USO1: variants seen among roughly 807,000 people sequenced by gnomAD.
The protein encoded by USO1 is USO1 vesicle transport factor.
In USO1, 57 loss-of-function variants were observed where a neutral mutation model predicts 124.5. The ratio of observed to expected loss-of-function variants is 0.46; its 90% CI spans 0.37 to 0.57. USO1 has a LOEUF of 0.57. Among genes scored for constraint, USO1 ranks in the 20% least tolerant of loss-of-function variants. The probability of loss-of-function intolerance (pLI) is 0.00; values close to 1 mark genes in which losing one functional copy is unlikely to be tolerated. For missense variants in USO1, 900 were observed against 1,040.6 expected (o/e 0.86, Z 1.86); for synonymous variants, 369 against 362.8 (o/e 1.02, Z -0.19).
intron 13 of USO1, among the ~76,000 whole-genome samples, chr4:75,796,341 C>CTTTGTTTTTTTTTTTTTTTTTTTTT (rs1722678843): frequency 9.8e-6 from 1 of 102,064 alleles, no homozygotes; most frequent in Non-Finnish European, 2.1e-5. Flanking sequence ...CCATCATGCT[C>CTTTGTTTTTTTTTTTTTTTTTTTTT]TTTTTTTTTT....
intron 8 of USO1, among the ~76,000 whole-genome samples, chr4:75,780,640 C>CA (rs1321685109): frequency 3.4e-5 from 2 of 59,156 alleles, no homozygotes; most frequent in African/African-American, 1.4e-4. Context: ...TAAATTTTGA[C>CA]TTTTTTTTTT....
intron 17 of USO1, among the ~76,000 whole-genome samples, chr4:75,802,773 G>A (rs1358723041): frequency 2.4e-5 from 2 of 84,584 alleles, no homozygotes; most frequent in African/African-American, 1.0e-4. Flanking sequence ...AGACAGTTTC[G>A]CTCTTGTTGC....
intron 1 of USO1, among the ~76,000 whole-genome samples, chr4:75,741,214 A>G (rs963207870): frequency 2.6e-5 from 4 of 152,180 alleles, no homozygotes; most frequent in African/African-American, 7.2e-5. Context: ...TTGTGTATCT[A>G]TGCATCTACA....
intron 13 of USO1, 27 bp from the exon 14 acceptor site, chr4:75,799,595 A>C (rs1446080286): frequency 6.2e-7 from 1 of 1,607,558 alleles, no homozygotes; most frequent in Non-Finnish European, 8.5e-7. Context: ...ATGAATGGAA[A>C]GATTTCTACC....
rs1175966062 is a variant in USO1 at position 75,726,593 on chromosome 4, G to T, written c.66+1708G>T. Reference sequence around the variant, plus strand: ...AAAAAAAAAAAAAATAACTGCGCAGGTCTGGTTAGAATTGTTTAAAGCATA... The same window carrying T: ...AAAAAAAAAAAAAATAACTGCGCAGTTCTGGTTAGAATTGTTTAAAGCATA... On this transcript the variant is annotated intron_variant, in intron 1 of 23. Transcript: ENST00000514213. 2.6e-5 allele frequency among the ~76,000 whole-genome samples: 4 copies of T among 151,970 alleles called. No homozygotes were observed. The East Asian group carries it at 7.7e-4, about 29-fold the overall frequency.
chr4:75,730,047 G>A (rs1446263197), intron 1 of USO1: 7 of 273,798 alleles, frequency 2.6e-5, no homozygotes, highest in Non-Finnish European at 4.5e-5. Context: ...TAACTGGAAT[G>A]TGTTTTCTCT....
intron 1 of USO1, among the ~76,000 whole-genome samples, chr4:75,742,395 GTTGAC>G (rs1720989793): frequency 6.6e-6 from 1 of 152,144 alleles, no homozygotes; most frequent in Non-Finnish European, 1.5e-5. Flanking sequence ...GTGGTCCATT[GTTGAC>G]TTGAATGTCG....
intron 3 of USO1, chr4:75,755,322 G>T: frequency 2.4e-6 from 1 of 413,568 alleles, no homozygotes; most frequent in South Asian, 1.8e-5. Context: ...TAAAACAATC[G>T]TCATCTCCAA....
chr4:75,810,467 T>A lies in USO1; in HGVS notation c.2511T>A (p.Thr837=). The part of the protein sequence containing the change: ...KSVEVQGETE[T]IIATKTTDVE... ...TTGAGGTACAAGGAGAGACCGAGAC[T>A]ATAATAGCCACCAAAACTACTGATG... The change falls in exon 22 of 24, where the codon ACT becomes ACA. Residue 837 remains threonine (T), a synonymous_variant. Transcript: ENST00000514213. 1 of 1,613,098 alleles carries A rather than the reference T, an allele frequency of 6.2e-7. No homozygotes were observed. Among genetic ancestry groups the A allele is most frequent in the Non-Finnish European group, 8.5e-7 (1 of 1,179,578 alleles).
intron 4 of USO1, 81 bp from the exon 5 acceptor site, chr4:75,770,358 T>G: frequency 1.5e-6 from 2 of 1,315,182 alleles, no homozygotes; most frequent in Non-Finnish European, 2.0e-6. Flanking sequence ...AAAATTATCA[T>G]TCACGCTTAA....
At chr4:75,792,705 AC>A (rs1722566410) in intron 12 of USO1, among the ~76,000 whole-genome samples, 2 of 152,150 alleles carry the variant, frequency 1.3e-5, no homozygotes, top group Admixed American at 6.5e-5. Context: ...CCAAAAAAAA[AC>A]AAAAAATAAA....
chr4:75,724,884 C>T lies in USO1; in HGVS notation c.65C>T (p.Thr22Met), dbSNP rs1255212354. 1 of 1,612,830 alleles carries T rather than the reference C, an allele frequency of 6.2e-7. No individual in the cohort carries two copies. Among genetic ancestry groups the T allele is most frequent in the Non-Finnish European group, 8.5e-7 (1 of 1,179,382 alleles). Residue 22 changes from threonine (T) to methionine (M), a missense_variant and splice_region_variant, in exon 1 of 24, where the codon ACG (threonine) becomes ATG (methionine). Transcript: ENST00000514213. ...SAGPQHTEAE[T>M]IQKLCDRVAS... ...GGACCCCAGCACACAGAAGCCGAGACGGTGAGAGGAGCAGCGGGTCTGGGA... is the reference window on the plus strand; with the variant it reads ...GGACCCCAGCACACAGAAGCCGAGATGGTGAGAGGAGCAGCGGGTCTGGGA...
intron 13 of USO1, among the ~76,000 whole-genome samples, chr4:75,798,734 A>G (rs1020699406): frequency 6.6e-6 from 1 of 152,162 alleles, no homozygotes; most frequent in Non-Finnish European, 1.5e-5. Context: ...CCTTGTCTAG[A>G]TCTTTGAATT....
At chr4:75,738,608 G>A (rs1720863036) in intron 1 of USO1, among the ~76,000 whole-genome samples, 1 of 152,052 alleles carries the variant, frequency 6.6e-6, no homozygotes, top group African/African-American at 2.4e-5. Flanking sequence ...CTCCTGAGTA[G>A]CTGTGACCAC....
chr4:75,741,054 A>G (rs1720946056), intron 1 of USO1, among the ~76,000 whole-genome samples: 1 of 152,176 alleles, frequency 6.6e-6, no homozygotes, highest in South Asian at 2.1e-4. Flanking sequence ...TTGTTGTGCA[A>G]ACATCCTAGA....
At chr4:75,805,973 G>A (rs368431953) in intron 19 of USO1, among the ~76,000 whole-genome samples, 2 of 151,930 alleles carry the variant, frequency 1.3e-5, no homozygotes, top group Non-Finnish European at 2.9e-5. Context: ...TTAATAAATT[G>A]CTCGGTAAAA....
intron 1 of USO1, among the ~76,000 whole-genome samples, chr4:75,731,287 C>A (rs1720623187): frequency 6.6e-6 from 1 of 152,164 alleles, no homozygotes; most frequent in African/African-American, 2.4e-5. Flanking sequence ...CTGGGCCAGG[C>A]CTGGTGGCTC....
chr4:75,760,749 G>A lies in USO1; in HGVS notation c.295+3176G>A, dbSNP rs561737288. Reference sequence around the variant, plus strand: ...ACTATATAAGAATTCTTTAATTGAAGAGGAATATTTTAATAAACTTACATT... The same window carrying A: ...ACTATATAAGAATTCTTTAATTGAAAAGGAATATTTTAATAAACTTACATT... On this transcript the variant is annotated intron_variant, in intron 4 of 23. Transcript: ENST00000514213. 7.5e-4 allele frequency: 292 copies of A among 387,634 alleles called. 3 individuals carry two copies. The highest frequency in any genetic ancestry group is 6.6e-3 in the Middle Eastern group (10 of 1,526). The allele number at this position is 387,634 out of a possible 1,614,324, so 24.0% of individuals were successfully genotyped here. A position where few individuals can be genotyped will look rare whatever the true frequency, so the allele number is the denominator to read the frequency against.
intron 9 of USO1, 108 bp from the exon 10 acceptor site, chr4:75,786,954 C>T: frequency 7.8e-7 from 1 of 1,282,056 alleles, no homozygotes; most frequent in Non-Finnish European, 1.0e-6. Context: ...TGTAGCTAAG[C>T]AGCTAAGGGA....
Sources: allele counts gnomAD v4.1 joint callset (sites outside exome capture counted in the v4.1 genomes callset), GRCh38; gene constraint gnomAD v4.1.1; transcripts MANE v1.5; gene names NCBI Gene and HGNC (gene_info 2026-07-23, HGNC 2026-07-21).